TTC39A: variants seen among roughly 807,000 people sequenced by gnomAD.
The protein encoded by TTC39A is tetratricopeptide repeat protein 39A.
A neutral mutation model predicts 82.3 loss-of-function variants in TTC39A; 46 were observed. The ratio of observed to expected loss-of-function variants is 0.56; its 90% confidence interval spans 0.44 to 0.71. TTC39A has a LOEUF of 0.71. TTC39A is among the 30% of genes least tolerant of loss of function. TTC39A has a pLI of 0.00. For synonymous variants in TTC39A, 254 were observed against 275.2 expected, an observed-to-expected ratio of 0.92 and a Z score of 0.76; for missense variants, 543 against 712.9, an observed-to-expected ratio of 0.76 and a Z score of 2.71.
chr1:51,319,026 A>G (rs1645396525), intron 2 of TTC39A, among the ~76,000 whole-genome samples: 1 of 152,232 alleles, frequency 6.6e-6, no homozygotes, highest in Non-Finnish European at 1.5e-5. Flanking sequence ...ATGCAGGAAA[A>G]GAATGAAACA....
intron 1 of TTC39A, among the ~76,000 whole-genome samples, chr1:51,337,133 C>T (rs567929145): frequency 2.0e-5 from 3 of 152,298 alleles, no homozygotes; most frequent in Non-Finnish European, 2.9e-5. Context: ...AAAGGCTCCG[C>T]ATGTTCCTCA....
chr1:51,332,637 C>G (rs1053400948), upstream of TTC39A, among the ~76,000 whole-genome samples: 3 of 152,222 alleles, frequency 2.0e-5, no homozygotes, highest in African/African-American at 7.2e-5. Flanking sequence ...ACAGCGGACA[C>G]AGGCATTCTA....
chr1:51,309,361 G>C, intron 5 of TTC39A, 36 bp from the exon 6 acceptor site: 1 of 1,612,406 alleles, frequency 6.2e-7, no homozygotes, highest in Non-Finnish European at 8.5e-7. Flanking sequence ...CCTGGCCCAG[G>C]TGGGCAGCTG....
intron 12 of TTC39A, chr1:51,300,555 T>A (rs1644613151): frequency 2.0e-5 from 3 of 152,244 alleles, no homozygotes; most frequent in Admixed American, 2.0e-4. Flanking sequence ...TGAAGACACA[T>A]GTCCTGTGTA....
Position 51,312,869 on chromosome 1 carries a change from G to A in TTC39A, c.221C>T (p.Pro74Leu). 1 of 1,613,970 alleles carries A rather than the reference G, an allele frequency of 6.2e-7. No individual in the cohort carries two copies. The highest frequency in any genetic ancestry group is 1.1e-5 in the South Asian group (1 of 91,082). The stretch of plus-strand genomic sequence containing the variant: ...GTTGCCGGCAAGCAGGATGTCCTGA[G>A]GGTCAAAGGTCATCATGGCCTGCAT... ...LEMQAMMTFD[P>L]QDILLAGNMM... The change falls in exon 3 of 18, where the codon CCT (proline) becomes CTT (leucine). Residue 74 changes from proline to leucine, a missense_variant. By Grantham distance (98) the Pro-to-Leu change is moderately conservative. Transcript: ENST00000680483.
chr1:51,321,400 T>G lies in TTC39A; in HGVS notation c.146+321A>C, dbSNP rs899275215. The stretch of plus-strand genomic sequence containing the variant: ...GAAAGCAGGCAACCTAAGTCTTTAG[T>G]GCTTTGGGGAAAAATAAACAAAGGA... On this transcript the variant is annotated intron_variant, in intron 2 of 17. Coordinates refer to ENST00000680483, the MANE Select transcript of TTC39A (RefSeq NM_001297663.2). The surrounding 1 kb of genome is among the most constrained non-coding windows in gnomAD (Gnocchi z 4.6). Among the ~76,000 whole-genome samples the G allele has an allele frequency of 3.9e-5, 6 of 152,160 alleles. No homozygotes were observed. Among genetic ancestry groups the G allele is most frequent in the Non-Finnish European group, 7.3e-5 (5 of 68,032 alleles).
chr1:51,303,921 C>T (rs1644776420), intron 8 of TTC39A, among the ~76,000 whole-genome samples: 1 of 152,376 alleles, frequency 6.6e-6, no homozygotes, highest in African/African-American at 2.4e-5. Context: ...AAGAGACCTT[C>T]ACAGCCTCTA....
intron 1 of TTC39A, chr1:51,322,048 G>C: frequency 2.0e-6 from 3 of 1,525,538 alleles, no homozygotes; most frequent in Non-Finnish European, 2.7e-6. Flanking sequence ...AATGTCATCA[G>C]AGATCTGTTG....
At chr1:51,317,355 A>G (rs563598357) in intron 2 of TTC39A, among the ~76,000 whole-genome samples, 1 of 152,328 alleles carries the variant, frequency 6.6e-6, no homozygotes, top group South Asian at 2.1e-4. Context: ...CCCACTCCCA[A>G]TGTGAGGACA....
chr1:51,331,228 T>G (rs1467206058), upstream of TTC39A: 1 of 1,530,404 alleles, frequency 6.5e-7, no homozygotes, highest in Non-Finnish European at 8.8e-7. Context: ...CTTTCCCCCT[T>G]GGCCCCCTCT....
chr1:51,312,785 C>G, intron 3 of TTC39A, 27 bp downstream of exon 3: 1 of 1,609,000 alleles, frequency 6.2e-7, no homozygotes, highest in Non-Finnish European at 8.5e-7. Context: ...CTCCCAACCT[C>G]TGATCCCTGC....
intron 1 of TTC39A, among the ~76,000 whole-genome samples, chr1:51,327,288 C>G (rs1645747829): frequency 6.6e-6 from 1 of 152,216 alleles, no homozygotes; most frequent in African/African-American, 2.4e-5. Flanking sequence ...AATCCCTGCT[C>G]CACCACTGAG....
At chr1:51,301,770 C>A in intron 11 of TTC39A, 37 bp from the exon 12 acceptor site, 1 of 1,586,716 alleles carries the variant, frequency 6.3e-7, no homozygotes, top group East Asian at 2.3e-5. Flanking sequence ...CGGGTGCCCA[C>A]CCAGCCCCAA....
intron 15 of TTC39A, among the ~76,000 whole-genome samples, 172 bp downstream of exon 15, chr1:51,290,342 G>A (rs1473860149): frequency 6.6e-6 from 1 of 152,216 alleles, no homozygotes; most frequent in African/African-American, 2.4e-5. Context: ...GAGCCCAGAG[G>A]CTTTGACCCT....
chr1:51,295,385 C>G (rs1644376247), intron 13 of TTC39A, among the ~76,000 whole-genome samples: 1 of 152,170 alleles, frequency 6.6e-6, no homozygotes, highest in African/African-American at 2.4e-5. Flanking sequence ...AAATTGGGCT[C>G]AACCTCACCA....
Position 51,311,257 on chromosome 1 carries a change from C to A in TTC39A, c.420G>T (p.Leu140=). The change falls in exon 5 of 18, where the codon CTG becomes CTT. Residue 140 remains leucine (L), a synonymous_variant. Coordinates refer to ENST00000680483, the MANE Select transcript of TTC39A (RefSeq NM_001297663.2). The part of the protein sequence containing the change: ...CLLQRAALTF[L]QDENMVSFIK... ...TTGTACAAGTGGGGGTCCCTACCTG[C>A]AGGAAGGTCAGGGCTGCTCGCTGCA... is the stretch of plus-strand genomic sequence containing the variant. The A allele has an allele frequency of 6.3e-7, 1 of 1,580,716 alleles. No homozygotes were observed. The highest frequency in any genetic ancestry group is 8.6e-7 in the Non-Finnish European group (1 of 1,163,196).
rs1645504188 is a variant in TTC39A at position 51,321,182 on chromosome 1, G to A, written c.146+539C>T. On this transcript the variant is annotated intron_variant, in intron 2 of 17. Coordinates refer to ENST00000680483, the MANE Select transcript of TTC39A (RefSeq NM_001297663.2). The surrounding 1 kb of genome is among the most constrained non-coding windows in gnomAD (Gnocchi z 4.6). ...AGCCACCACGCCCAGCCCAATAAAT[G>A]TTTTAAAGTGATAAGAAAGGGTGAG... is the stretch of plus-strand genomic sequence containing the variant. Among the ~76,000 whole-genome samples the A allele has an allele frequency of 6.6e-6, 1 of 152,160 alleles. No homozygotes were observed. The highest frequency in any genetic ancestry group is 2.4e-5 in the African/African-American group (1 of 41,422).
intron 12 of TTC39A, among the ~76,000 whole-genome samples, 152 bp from the exon 13 acceptor site, chr1:51,296,322 C>T (rs1192691889): frequency 6.6e-6 from 1 of 152,234 alleles, no homozygotes; most frequent in African/African-American, 2.4e-5. Flanking sequence ...GCTGAAGCAA[C>T]TTGAAGACCT....
chr1:51,333,755 T>C (rs572771931), upstream of TTC39A, among the ~76,000 whole-genome samples: 1 of 152,358 alleles, frequency 6.6e-6, no homozygotes, highest in South Asian at 2.1e-4. Flanking sequence ...GAGGTTTGTA[T>C]GTGACTGTCT....
Sources: gnomAD v4.1 joint callset for allele counts (sites outside exome capture counted in the v4.1 genomes callset) on GRCh38, gnomAD v4.1.1 for gene constraint, Gnocchi (gnomAD v3.1) non-coding constraint, MANE v1.5 for transcripts, NCBI Gene and HGNC (gene_info 2026-07-23, HGNC 2026-07-21) for gene names.